ALG1L2: variants seen among roughly 807,000 people sequenced by gnomAD.
ALG1L2 encodes the protein ALG1 chitobiosyldiphosphodolichol beta-mannosyltransferase like 2.
ALG1L2 carries 32 observed loss-of-function variants against 29.0 expected under a neutral mutation model. The observed-to-expected ratio is 1.10, with a 90% CI of 0.83 to 1.48. ALG1L2 has a LOEUF of 1.48. Ranked by LOEUF, ALG1L2 falls within the 40% of genes most tolerant of loss-of-function variation. The pLI is 0.00. For missense variants in ALG1L2, 318 were observed against 274.1 expected (o/e 1.16, Z -1.13); for synonymous variants, 110 against 109.5 (o/e 1.00, Z -0.03).
intron 1 of ALG1L2, chr3:130,091,000 C>T: frequency 1.1e-5 from 5 of 468,498 alleles, no homozygotes; most frequent in South Asian, 1.0e-4. Flanking sequence ...TGTCCACAGT[C>T]TGGTTTTATC....
At chr3:130,087,150 C>A (rs1353424044) in intron 1 of ALG1L2, among the ~76,000 whole-genome samples, 2 of 149,168 alleles carry the variant, frequency 1.3e-5, no homozygotes, top group Non-Finnish European at 3.0e-5. Flanking sequence ...CCCACCTTCA[C>A]TGAACGATCA....
intron 1 of ALG1L2, among the ~76,000 whole-genome samples, chr3:130,084,443 G>A (rs1382649720): frequency 6.8e-6 from 1 of 146,064 alleles, no homozygotes; most frequent in East Asian, 2.0e-4. Flanking sequence ...GTTCCCTAGA[G>A]TGGGGTTTTA....
In ALG1L2 at chr3:130,091,257, G is replaced by T. The variant is rs1291031714; in HGVS notation, c.21-4G>T. 3 of 1,598,454 alleles carry T rather than the reference G, an allele frequency of 1.9e-6. No homozygotes were observed. The highest frequency in any genetic ancestry group is 3.3e-5 in the Admixed American group (2 of 59,996). ...GCAATAGCCCTGCCATGATTTCATTGCAGGGCTGTGACCGTCTACGACAAG... is the reference window on the plus strand; with the variant it reads ...GCAATAGCCCTGCCATGATTTCATTTCAGGGCTGTGACCGTCTACGACAAG... On this transcript the variant is annotated splice_region_variant and splice_polypyrimidine_tract_variant and intron_variant, in intron 1 of 7. Transcript: ENST00000425059.
At chr3:130,094,171 C>T in intron 4 of ALG1L2, 1 of 563,100 alleles carries the variant, frequency 1.8e-6, no homozygotes, top group Non-Finnish European at 3.2e-6. Context: ...CAGCCCGAGG[C>T]CAGCTGGTTG....
In ALG1L2 at chr3:130,087,688, G is replaced by A. The variant is rs1300713994; in HGVS notation, c.21-3573G>A. Among the ~76,000 whole-genome samples, 2 of 130,944 alleles carry A rather than the reference G, an allele frequency of 1.5e-5. 1 individual carries two copies. The highest frequency in any genetic ancestry group is 3.5e-5 in the Non-Finnish European group (2 of 56,496). 85.9% of individuals were successfully genotyped at this position (130,944 alleles called of 152,430 possible). A position where few individuals can be genotyped will look rare whatever the true frequency, so the allele number is the denominator to read the frequency against. On this transcript the variant is annotated intron_variant, in intron 1 of 7. Coordinates refer to ENST00000425059, the MANE Select transcript of ALG1L2 (RefSeq NM_001136152.1). ...TAGCACTGGGGAATCTCAGCGAAGG[G>A]TATAAAGGATGTCTTTGTACTATTT...
chr3:130,089,187 A>G (rs1272076313), intron 1 of ALG1L2, among the ~76,000 whole-genome samples: 1 of 152,284 alleles, frequency 6.6e-6, no homozygotes, highest in Non-Finnish European at 1.5e-5. Flanking sequence ...TAGGAGGGCA[A>G]GCTGGAGAGG....
chr3:130,094,943 C>T (rs1325482736), intron 5 of ALG1L2, among the ~76,000 whole-genome samples: 1 of 152,182 alleles, frequency 6.6e-6, no homozygotes, highest in African/African-American at 2.4e-5. Flanking sequence ...AGTGGGGAGT[C>T]GTGGCTTGTT....
chr3:130,092,937 C>T lies in ALG1L2; in HGVS notation c.254-164C>T, dbSNP rs538701428. Among the ~76,000 whole-genome samples the T allele has an allele frequency of 3.1e-3, 443 of 145,172 alleles. 3 individuals are homozygous for T. The Middle Eastern group carries it at 0.032, about 11-fold the overall frequency. ...CCCAGCTACTTGGGAGGCTGATGCA[C>T]GAGAATTACTTGAACCTGGGAGGCA... On this transcript the variant is annotated intron_variant, in intron 3 of 7. Transcript: ENST00000425059.
At chr3:130,096,301 A>G in intron 6 of ALG1L2, 138 bp downstream of exon 6, 2 of 937,864 alleles carry the variant, frequency 2.1e-6, no homozygotes, top group East Asian at 5.2e-5. Context: ...CACGAGGAGG[A>G]GCCCTGCGGT....
chr3:130,097,125 T>C (rs1237666618), intron 6 of ALG1L2, 50 bp from the exon 7 acceptor site: 1 of 1,605,726 alleles, frequency 6.2e-7, no homozygotes, highest in East Asian at 2.2e-5. Context: ...ACCCCAGGGG[T>C]CTAGTGTCTT....
Position 130,094,421 on chromosome 3 carries a change from A to G in ALG1L2, c.332A>G (p.Glu111Gly), listed in dbSNP as rs758517791. ...TGTGAAGGCAAAGGGCCTCTGAGGG[A>G]GTATTACAGCCGCCTCATCCACCAG... ...CVITGKGPLREYYSRLIHQKH... is the reference protein window; with the variant it reads ...CVITGKGPLRGYYSRLIHQKH... Residue 111 changes from glutamate (E) to glycine (G), a missense_variant, in exon 5 of 8, where the codon GAG (glutamate) becomes GGG (glycine). Physicochemically the swap from Glu to Gly is moderately conservative, Grantham distance 98 (BLOSUM62 -2). Coordinates refer to ENST00000425059, the MANE Select transcript of ALG1L2 (RefSeq NM_001136152.1). 3.8e-6 allele frequency: 6 copies of G among 1,596,032 alleles called. No individual in the cohort carries two copies. The Admixed American group carries it at 5.0e-5, about 13-fold the overall frequency.
At chr3:130,090,669 A>G (rs1934996060) in intron 1 of ALG1L2, 1 of 153,102 alleles carries the variant, frequency 6.5e-6, no homozygotes, top group Admixed American at 6.5e-5. Context: ...CTCTCGATTA[A>G]TATACCAGAC....
intron 1 of ALG1L2, among the ~76,000 whole-genome samples, chr3:130,087,293 A>T (rs1934913010): frequency 6.7e-6 from 1 of 150,294 alleles, no homozygotes; most frequent in Non-Finnish European, 1.5e-5. Flanking sequence ...AACATCAGCC[A>T]AATCCAAAGT....
intron 1 of ALG1L2, among the ~76,000 whole-genome samples, chr3:130,085,515 G>A (rs1311097497): frequency 2.7e-5 from 4 of 149,158 alleles, no homozygotes; most frequent in East Asian, 1.9e-4. Context: ...AGGGTTACAG[G>A]CATGAGCCAC....
At position 130,097,356 on chromosome 3, in the gene ALG1L2, G is replaced by C. The variant is rs1935165214; in HGVS notation, c.615+106G>C. On this transcript the variant is annotated intron_variant, in intron 7 of 7. Transcript: ENST00000425059. ...CACAGCCAGGGTGGGACCATGCGGG[G>C]TCTGGCGGAAAAGCTAGGGAGGGAG... 1.0e-5 allele frequency: 15 copies of C among 1,495,840 alleles called. No individual in the cohort carries two copies. The South Asian group carries it at 1.7e-4, about 17-fold the overall frequency. The allele number at this position is 1,495,840 out of a possible 1,614,324, so 92.7% of individuals were successfully genotyped here. A position where few individuals can be genotyped will look rare whatever the true frequency, so the allele number is the denominator to read the frequency against.
chr3:130,098,089 G>A (rs1559789866), intron 7 of ALG1L2, 134 bp from the exon 8 acceptor site: 8 of 1,216,810 alleles, frequency 6.6e-6, no homozygotes, highest in Middle Eastern at 5.4e-4. Flanking sequence ...CTGCTGGGGT[G>A]TGAAGGGTCT....
intron 3 of ALG1L2, 36 bp downstream of exon 3, chr3:130,092,258 G>C (rs1487622093): frequency 6.3e-7 from 1 of 1,598,766 alleles, no homozygotes; most frequent in Non-Finnish European, 8.5e-7. Context: ...GGGTTGGTGT[G>C]AAGGGCACCT....
At chr3:130,083,205 G>A (rs1356312552) in intron 1 of ALG1L2, among the ~76,000 whole-genome samples, 5 of 144,150 alleles carry the variant, frequency 3.5e-5, no homozygotes, top group African/African-American at 4.9e-5. Flanking sequence ...CAGCATTTTG[G>A]GGGGCCGAGG....
At position 130,093,514 on chromosome 3, in the gene ALG1L2, C is replaced by T. The variant is rs1935064811; in HGVS notation, c.313+354C>T. ...CGATCTCAGCTCACTGCAACCTCTGCCTCTCACATTCAAGCAATTCTCATG... is the reference window on the plus strand; with the variant it reads ...CGATCTCAGCTCACTGCAACCTCTGTCTCTCACATTCAAGCAATTCTCATG... On this transcript the variant is annotated intron_variant, in intron 4 of 7. Coordinates refer to ENST00000425059, the MANE Select transcript of ALG1L2 (RefSeq NM_001136152.1). 2.0e-5 allele frequency among the ~76,000 whole-genome samples: 3 copies of T among 150,824 alleles called. No individual in the cohort carries two copies. In the South Asian group the frequency reaches 6.3e-4, roughly 31 times the overall value.
Sources: allele counts gnomAD v4.1 joint callset (sites outside exome capture counted in the v4.1 genomes callset), GRCh38; gene constraint gnomAD v4.1.1; transcripts MANE v1.5; gene names NCBI Gene and HGNC (gene_info 2026-07-23, HGNC 2026-07-21).